PCDHGA4: variants seen among roughly 807,000 people sequenced by gnomAD.
The protein encoded by PCDHGA4 is protocadherin gamma-A4.
PCDHGA4 carries 38 observed loss-of-function variants against 54.6 expected under a neutral mutation model. The ratio of observed to expected loss-of-function variants is 0.70; its 90% CI spans 0.54 to 0.91. The LOEUF (loss-of-function observed/expected upper bound fraction) is 0.91. PCDHGA4 is among the 40% of genes least tolerant of loss of function. The pLI is 0.00. For missense variants in PCDHGA4, 1,298 were observed against 1,220.9 expected, an observed-to-expected ratio of 1.06 and a Z score of -0.94; for synonymous variants, 511 against 512.9, an observed-to-expected ratio of 1.00 and a Z score of 0.05.
intron 1 of PCDHGA4, chr5:141,394,981 G>T: frequency 6.2e-7 from 1 of 1,613,964 alleles, no homozygotes; most frequent in Non-Finnish European, 8.5e-7. Flanking sequence ...CACAAGTCAC[G>T]CCTGCTCCAG....
At chr5:141,459,829 G>A in intron 1 of PCDHGA4, among the ~76,000 whole-genome samples, 1 of 152,178 alleles carries the variant, frequency 6.6e-6, no homozygotes, top group East Asian at 1.9e-4. Flanking sequence ...AACTTTTCAT[G>A]TGTTGTCTAT....
At chr5:141,371,256 G>A in intron 1 of PCDHGA4, 2 of 1,614,052 alleles carry the variant, frequency 1.2e-6, no homozygotes, top group East Asian at 2.2e-5. Context: ...TGGCAAGGAA[G>A]TGAGACAACT....
At chr5:141,408,148 G>C in intron 1 of PCDHGA4, 2 of 1,504,962 alleles carry the variant, frequency 1.3e-6, no homozygotes, top group Non-Finnish European at 1.8e-6. Context: ...TAGCGCGGTA[G>C]AGTGCACTTT....
Position 141,489,842 on chromosome 5 carries a change from A to T in PCDHGA4, c.2515-4965A>T. ...GAGCTGGTGCTAGAGCAGCAGCTGGATCGTGAAGCCCAGGCAAGACATCAG... is the reference window on the plus strand; with the variant it reads ...GAGCTGGTGCTAGAGCAGCAGCTGGTTCGTGAAGCCCAGGCAAGACATCAG... On this transcript the variant is annotated intron_variant, in intron 1 of 3. Coordinates refer to ENST00000571252, the MANE Select transcript of PCDHGA4 (RefSeq NM_018917.4). The surrounding 1 kb of genome is among the most constrained non-coding windows in gnomAD (Gnocchi z 4.5). 6.2e-7 allele frequency: 1 copy of T among 1,614,186 alleles called. No homozygotes were observed. Among genetic ancestry groups the T allele is most frequent in the South Asian group, 1.1e-5 (1 of 91,086 alleles).
At chr5:141,408,990 A>T (rs1554103244) in intron 1 of PCDHGA4, 1 of 1,613,984 alleles carries the variant, frequency 6.2e-7, no homozygotes, top group South Asian at 1.1e-5. Flanking sequence ...CCTGTGTTGC[A>T]AGTGACAGCC....
intron 1 of PCDHGA4, chr5:141,395,335 T>C (rs2093216572): frequency 6.9e-7 from 1 of 1,441,668 alleles, no homozygotes; most frequent in Non-Finnish European, 9.2e-7. Flanking sequence ...GAAAATAATT[T>C]TTAAGGTGTA....
In PCDHGA4 at chr5:141,503,070, G is replaced by A. The variant is rs868143537; in HGVS notation, c.2574-2323G>A. 1.5e-4 allele frequency among the ~76,000 whole-genome samples: 23 copies of A among 151,614 alleles called. No individual in the cohort carries two copies. The Middle Eastern group carries it at 0.01, about 68-fold the overall frequency. On this transcript the variant is annotated intron_variant, in intron 2 of 3. Coordinates refer to ENST00000571252, the MANE Select transcript of PCDHGA4 (RefSeq NM_018917.4). ...GGGTTTCACCATGTTGGTCAGAATGGTCTCGATCTCCTGACCTCGTGGTCT... is the reference window on the plus strand; with the variant it reads ...GGGTTTCACCATGTTGGTCAGAATGATCTCGATCTCCTGACCTCGTGGTCT...
In PCDHGA4 at chr5:141,415,213, G is replaced by A. The variant is rs750613524; in HGVS notation, c.2514+57592G>A. On this transcript the variant is annotated intron_variant, in intron 1 of 3. Coordinates refer to ENST00000571252, the MANE Select transcript of PCDHGA4 (RefSeq NM_018917.4). ...CATCCCCCAAGTCCTGGCGGACCTC[G>A]GCAGCTTCGAGTCTCCAGCTAACTC... 1.9e-6 allele frequency: 3 copies of A among 1,614,074 alleles called. No individual in the cohort carries two copies. In the East Asian group the frequency reaches 6.7e-5, roughly 36 times the overall value.
At position 141,511,076 on chromosome 5, in the gene PCDHGA4, A is replaced by G. The variant is rs201009079; in HGVS notation, c.2792A>G (p.Asn931Ser). 19 of 1,614,218 alleles carry G rather than the reference A, an allele frequency of 1.2e-5. No individual in the cohort carries two copies. In the East Asian group the frequency reaches 3.6e-4, roughly 30 times the overall value. ...CAGAATGTCTACATCCCAGGCAGCA[A>G]TGCCACACTGACCAACGCAGCTGGC... ...YRQNVYIPGS[N>S]ATLTNAAGKR... Residue 931 changes from asparagine (N) to serine (S), a missense_variant, in exon 4 of 4, where the codon AAT (asparagine) becomes AGT (serine). Coordinates refer to ENST00000571252, the MANE Select transcript of PCDHGA4 (RefSeq NM_018917.4).
chr5:141,404,800 C>G (rs369141362), intron 1 of PCDHGA4: 3 of 1,613,970 alleles, frequency 1.9e-6, no homozygotes, highest in Middle Eastern at 1.6e-4. Context: ...AGCCAGGGCT[C>G]TTCTCGGTGG....
intron 3 of PCDHGA4, 125 bp downstream of exon 3, chr5:141,505,606 C>G: frequency 6.5e-7 from 1 of 1,528,642 alleles, no homozygotes; most frequent in Non-Finnish European, 8.8e-7. Flanking sequence ...TTCGGCAGGT[C>G]TGAAAGGACC....
rs368585389 is a variant in PCDHGA4, at chr5:141,419,428, G to A, written c.2514+61807G>A. On this transcript the variant is annotated intron_variant, in intron 1 of 3. Coordinates refer to ENST00000571252, the MANE Select transcript of PCDHGA4 (RefSeq NM_018917.4). ...TCGCGCAGCGCGCCTTCGACCACGAGCAGCTGCGCACCTTCGAGCTCACGC... is the reference window on the plus strand; with the variant it reads ...TCGCGCAGCGCGCCTTCGACCACGAACAGCTGCGCACCTTCGAGCTCACGC... 4 of 1,613,192 alleles carry A rather than the reference G, an allele frequency of 2.5e-6. No individual in the cohort carries two copies. In the African/African-American group the frequency reaches 4.0e-5, roughly 16 times the overall value.
chr5:141,394,004 A>G (rs1220367944), intron 1 of PCDHGA4: 6 of 1,613,378 alleles, frequency 3.7e-6, no homozygotes, highest in Non-Finnish European at 4.2e-6. Context: ...TAGAAAAGTC[A>G]ATAGGTAATT....
In PCDHGA4 at chr5:141,413,886, C is replaced by T. The variant is rs916273509; in HGVS notation, c.2514+56265C>T. The T allele has an allele frequency of 8.7e-6, 14 of 1,613,202 alleles. No homozygotes were observed. The African/African-American group carries it at 1.7e-4, about 20-fold the overall frequency. On this transcript the variant is annotated intron_variant, in intron 1 of 3. Transcript: ENST00000571252. ...CTGTCCTTGTCAGTGTGACTGTCTT[C>T]GATGCAAATGACAACGCGCCGGTCT...
intron 1 of PCDHGA4, among the ~76,000 whole-genome samples, chr5:141,436,374 G>C (rs2154557079): frequency 6.6e-6 from 1 of 152,248 alleles, no homozygotes; most frequent in East Asian, 1.9e-4. Context: ...TCCAGTTTAA[G>C]CTGAATAGGC....
At chr5:141,427,386 A>G (rs2097020887) in intron 1 of PCDHGA4, 1 of 459,098 alleles carries the variant, frequency 2.2e-6, no homozygotes, top group Non-Finnish European at 4.4e-6. Context: ...CACTCTGTTC[A>G]AAACACATGA....
intron 1 of PCDHGA4, chr5:141,399,984 A>C (rs1310810422): frequency 1.2e-6 from 2 of 1,612,296 alleles, no homozygotes; most frequent in Non-Finnish European, 8.5e-7. Context: ...GGCTGCGCAC[A>C]GGAGAGGTGC....
In PCDHGA4 at chr5:141,355,508, T is replaced by C. The variant is rs1759881586; in HGVS notation, c.401T>C (p.Val134Ala). 1.2e-6 allele frequency: 2 copies of C among 1,613,922 alleles called. No homozygotes were observed. Among genetic ancestry groups the C allele is most frequent in the Non-Finnish European group, 1.7e-6 (2 of 1,179,904 alleles). The change falls in exon 1 of 4, where the codon GTG (valine) becomes GCG (alanine). Residue 134 changes from valine to alanine, a missense_variant. Physicochemically the swap from Val to Ala is moderately conservative, Grantham distance 64. Transcript: ENST00000571252. Reference protein sequence around the residue: ...EELCDRSPNCVTNLEILLEDT... With the variant: ...EELCDRSPNCATNLEILLEDT... The stretch of plus-strand genomic sequence containing the variant: ...CTCTGCGACAGATCTCCAAACTGTG[T>C]GACAAACCTGGAGATTCTTCTAGAA...
At chr5:141,408,675 C>T (rs574868088) in intron 1 of PCDHGA4, 14 of 1,613,950 alleles carry the variant, frequency 8.7e-6, no homozygotes, top group Admixed American at 8.3e-5. Flanking sequence ...GACCCTGCCA[C>T]GGATCCTGAT....
Sources: gnomAD v4.1 joint callset for allele counts (sites outside exome capture counted in the v4.1 genomes callset) on GRCh38, gnomAD v4.1.1 for gene constraint, Gnocchi (gnomAD v3.1) non-coding constraint, MANE v1.5 for transcripts, NCBI Gene and HGNC (gene_info 2026-07-23, HGNC 2026-07-21) for gene names.